Variants in CDC16 observed in about 807,000 individuals in gnomAD.
CDC16 encodes cell division cycle 16, also known as cell division cycle protein 16 homolog.
CDC16 carries 34 observed loss-of-function variants against 87.0 expected under a neutral mutation model. The ratio of observed to expected loss-of-function variants is 0.39; its 90% CI spans 0.30 to 0.52. The LOEUF (loss-of-function observed/expected upper bound fraction) is 0.52. Ranked by LOEUF, CDC16 falls within the 20% of genes least tolerant of loss-of-function variation. CDC16 has a pLI of 0.74. For synonymous variants in CDC16, 263 were observed against 260.6 expected (o/e 1.01, Z -0.09); for missense variants, 653 against 751.9 (o/e 0.87, Z 1.54).
intron 14 of CDC16, among the ~76,000 whole-genome samples, chr13:114,259,936 G>T (rs2082737182): frequency 2.0e-5 from 3 of 152,164 alleles, no homozygotes; most frequent in Admixed American, 6.5e-5. Context: ...CCCGTGAATT[G>T]GTGCTTATGA....
At chr13:114,255,348 TTTCC>T (rs2082428734) in intron 12 of CDC16, among the ~76,000 whole-genome samples, 1 of 152,222 alleles carries the variant, frequency 6.6e-6, no homozygotes, top group Admixed American at 6.5e-5. Context: ...CCAGTGTTAC[TTTCC>T]TACTGTAATA....
chr13:114,253,030 G>A (rs745918376), intron 12 of CDC16, among the ~76,000 whole-genome samples: 4 of 152,158 alleles, frequency 2.6e-5, no homozygotes, highest in Non-Finnish European at 2.9e-5. Flanking sequence ...CCAGCTATGC[G>A]GGAAACTGAG....
At chr13:114,245,308 T>C (rs908058279) in intron 9 of CDC16, among the ~76,000 whole-genome samples, 2 of 149,290 alleles carry the variant, frequency 1.3e-5, no homozygotes, top group African/African-American at 2.5e-5. Context: ...AAATCTGATA[T>C]GGTAAGAGTT....
intron 9 of CDC16, among the ~76,000 whole-genome samples, chr13:114,245,401 G>A (rs775055349): frequency 4.0e-5 from 6 of 151,744 alleles, no homozygotes; most frequent in Non-Finnish European, 7.4e-5. Flanking sequence ...AGTTGTGTTT[G>A]GGGATGCATT....
intron 9 of CDC16, chr13:114,245,754 T>C (rs2081831707): frequency 5.1e-6 from 2 of 393,540 alleles, no homozygotes; most frequent in Non-Finnish European, 9.0e-6. Context: ...GGTGAGGTGC[T>C]TTGCTGTATC....
rs1446235061 is a variant in CDC16 at position 114,238,977 on chromosome 13, ATTTC to A, written c.202-8_202-5del. ...TTTTGACCACTACTTAAACAAATTA[ATTTC>A]TTTCCTAGTTGTATGAAGCATGTCG... On this transcript the variant is annotated splice_polypyrimidine_tract_variant and intron_variant, in intron 3 of 17. Transcript: ENST00000356221. The A allele has an allele frequency of 1.2e-6, 2 of 1,607,802 alleles. No homozygotes were observed. Among genetic ancestry groups the A allele is most frequent in the Non-Finnish European group, 1.7e-6 (2 of 1,175,878 alleles).
At position 114,246,974 on chromosome 13, in the gene CDC16, A is replaced by G. The variant is rs746110465; in HGVS notation, c.941A>G (p.His314Arg). The G allele has an allele frequency of 1.2e-6, 2 of 1,613,310 alleles. No homozygotes were observed. The highest frequency in any genetic ancestry group is 2.2e-5 in the South Asian group (2 of 91,060). The change falls in exon 11 of 18, where the codon CAT becomes CGT. Residue 314 changes from histidine (H) to arginine (R), a missense_variant. By Grantham distance (29) the His-to-Arg change is conservative. Coordinates refer to ENST00000356221, the MANE Select transcript of CDC16 (RefSeq NM_001078645.3). ...GGATGTTACTATCTCATGGTCGGTC[A>G]TAAAAATGAACATGCCAGAAGATAT... ...AVGCYYLMVG[H>R]KNEHARRYLS... is the part of the protein sequence containing the mutation.
Position 114,246,017 on chromosome 13 carries a change from C to A in CDC16, c.865C>A (p.His289Asn). 2 of 1,497,554 alleles carry A rather than the reference C, an allele frequency of 1.3e-6. No homozygotes were observed. The highest frequency in any genetic ancestry group is 1.2e-5 in the South Asian group (1 of 84,126). 92.8% of individuals were successfully genotyped at this position (1,497,554 alleles called of 1,614,324 possible). A position where few individuals can be genotyped will look rare whatever the true frequency, so the allele number is the denominator to read the frequency against. Reference sequence around the variant, plus strand: ...CTGAACAGAACTTTTCTATCTTTCTCATAAACTGGTGGATTTATATCCTAG... The same window carrying A: ...CTGAACAGAACTTTTCTATCTTTCTAATAAACTGGTGGATTTATATCCTAG... The part of the protein sequence containing the change: ...NKANELFYLS[H>N]KLVDLYPSNP... The change falls in exon 10 of 18, where the codon CAT becomes AAT. Residue 289 changes from histidine (H) to asparagine (N), a missense_variant. Coordinates refer to ENST00000356221, the MANE Select transcript of CDC16 (RefSeq NM_001078645.3).
At chr13:114,270,912 A>AC in intron 17 of CDC16, among the ~76,000 whole-genome samples, 1 of 129,044 alleles carries the variant, frequency 7.7e-6, no homozygotes, top group South Asian at 2.3e-4. Context: ...GAAGAGATTT[A>AC]CCTTTTTTTT....
intron 17 of CDC16, among the ~76,000 whole-genome samples, chr13:114,268,254 C>T (rs1435233225): frequency 6.6e-6 from 1 of 152,136 alleles, no homozygotes; most frequent in African/African-American, 2.4e-5. Flanking sequence ...AAAATAAATC[C>T]CAAAATTTGG....
At chr13:114,255,491 C>T (rs1235292875) in intron 12 of CDC16, among the ~76,000 whole-genome samples, 2 of 152,010 alleles carry the variant, frequency 1.3e-5, no homozygotes. Flanking sequence ...TCAAAATGTT[C>T]CAGAAGCCCA....
At chr13:114,245,119 A>C in intron 9 of CDC16, 150 bp downstream of exon 9, 1 of 518,084 alleles carries the variant, frequency 1.9e-6, no homozygotes, top group South Asian at 2.9e-5. Context: ...TGGGGAGGAA[A>C]TGTTTAGGAA....
chr13:114,236,314 A>G (rs1252187243), intron 1 of CDC16, among the ~76,000 whole-genome samples: 2 of 152,262 alleles, frequency 1.3e-5, no homozygotes, highest in Non-Finnish European at 2.9e-5. Flanking sequence ...TAAATCACAC[A>G]TGAATTGTTA....
intron 16 of CDC16, among the ~76,000 whole-genome samples, chr13:114,263,951 G>T (rs2083021620): frequency 6.6e-6 from 1 of 152,208 alleles, no homozygotes; most frequent in Admixed American, 6.5e-5. Context: ...ACAGGTAAAA[G>T]GGAAGCAATG....
chr13:114,243,457 G>A, intron 7 of CDC16, 109 bp downstream of exon 7: 1 of 598,456 alleles, frequency 1.7e-6, no homozygotes, highest in Non-Finnish European at 3.0e-6. Flanking sequence ...TTTAAATTTA[G>A]CACATTTTTA....
At chr13:114,267,679 A>T (rs1298556959) in intron 17 of CDC16, among the ~76,000 whole-genome samples, 1 of 152,186 alleles carries the variant, frequency 6.6e-6, no homozygotes, top group Admixed American at 6.5e-5. Flanking sequence ...AAATGTGTAA[A>T]CTTCTAGATA....
At position 114,257,163 on chromosome 13, in the gene CDC16, C is replaced by G; in HGVS notation, c.1183C>G (p.Leu395Val). 2 of 1,613,418 alleles carry G rather than the reference C, an allele frequency of 1.2e-6. No homozygotes were observed. Among genetic ancestry groups the G allele is most frequent in the Non-Finnish European group, 8.5e-7 (1 of 1,179,468 alleles). ...KLAERFFSQA[L>V]SIAPEDPFVM... ...AGCTGAAAGGTTCTTCAGCCAAGCT[C>G]TGAGCATTGCACCGGAAGACCCTTT... The change falls in exon 13 of 18, where the codon CTG becomes GTG. Residue 395 changes from leucine (L) to valine (V), a missense_variant. Coordinates refer to ENST00000356221, the MANE Select transcript of CDC16 (RefSeq NM_001078645.3).
chr13:114,258,381 C>T (rs2082637350), intron 13 of CDC16, among the ~76,000 whole-genome samples: 1 of 152,168 alleles, frequency 6.6e-6, no homozygotes, highest in African/African-American at 2.4e-5. Flanking sequence ...AACGCTCTGC[C>T]TTTTTTCCCA....
At chr13:114,236,319 T>C (rs998708128) in intron 1 of CDC16, among the ~76,000 whole-genome samples, 5 of 152,256 alleles carry the variant, frequency 3.3e-5, no homozygotes, top group African/African-American at 1.2e-4. Flanking sequence ...CACACATGAA[T>C]TGTTAATGAC....
Sources: allele counts gnomAD v4.1 joint callset (sites outside exome capture counted in the v4.1 genomes callset), GRCh38; gene constraint gnomAD v4.1.1; transcripts MANE v1.5; gene names NCBI Gene and HGNC (gene_info 2026-07-23, HGNC 2026-07-21).